The following CRACD variants were observed in gnomAD, a reference collection of about 807,000 sequenced individuals.
CRACD encodes capping protein inhibiting regulator of actin dynamics.
CRACD carries 56 observed loss-of-function variants against 106.8 expected under a neutral mutation model. That is an observed-to-expected ratio of 0.52 (90% CI 0.42 to 0.66). The LOEUF (loss-of-function observed/expected upper bound fraction) is 0.66. CRACD is among the 30% of genes least tolerant of loss of function. The pLI is 0.00. For missense variants in CRACD, 1,730 were observed against 1,623.2 expected, an observed-to-expected ratio of 1.07 and a Z score of -1.13; for synonymous variants, 754 against 670.8, an observed-to-expected ratio of 1.12 and a Z score of -1.92.
At chr4:56,106,046 C>T (rs1458101373) in intron 1 of CRACD, among the ~76,000 whole-genome samples, 1 of 151,888 alleles carries the variant, frequency 6.6e-6, no homozygotes, top group East Asian at 1.9e-4. Context: ...TCGAAGTTAA[C>T]TATGCTGTAG....
chr4:56,320,909 C>T (rs970638181), intron 8 of CRACD: 2 of 180,532 alleles, frequency 1.1e-5, no homozygotes, highest in Non-Finnish European at 2.4e-5. Context: ...CAGGCACTGG[C>T]CTCCCCCTGA....
intron 1 of CRACD, among the ~76,000 whole-genome samples, chr4:56,167,035 G>A (rs577544329): frequency 2.6e-5 from 4 of 152,214 alleles, no homozygotes; most frequent in South Asian, 2.1e-4. Context: ...ACACTGTCTT[G>A]AAAAAACTAC....
chr4:56,289,693 A>G (rs1028734905), intron 3 of CRACD, among the ~76,000 whole-genome samples: 35 of 152,090 alleles, frequency 2.3e-4, no homozygotes, highest in Non-Finnish European at 3.7e-4. Flanking sequence ...TGTCTCAAAA[A>G]AAAAAAAAAA....
At chr4:56,125,764 C>CTTTTTTTTTTTTT (rs11289899) in intron 1 of CRACD, among the ~76,000 whole-genome samples, 6 of 73,298 alleles carry the variant, frequency 8.2e-5, no homozygotes, top group African/African-American at 1.1e-4. Context: ...CATTCTTCTT[C>CTTTTTTTTTTTTT]TTTTTTTTTT....
At chr4:56,246,260 A>G (rs945223254) in intron 2 of CRACD, among the ~76,000 whole-genome samples, 9 of 152,076 alleles carry the variant, frequency 5.9e-5, no homozygotes, top group Non-Finnish European at 1.0e-4. Context: ...CTGCCCTCTC[A>G]TCTCCCTCCT....
intron 1 of CRACD, among the ~76,000 whole-genome samples, chr4:56,068,940 A>T (rs936847367): frequency 6.6e-6 from 1 of 152,164 alleles, no homozygotes; most frequent in Non-Finnish European, 1.5e-5. Flanking sequence ...GGATGGAATC[A>T]TCCTGGATTT....
intron 2 of CRACD, among the ~76,000 whole-genome samples, chr4:56,220,497 C>T (rs1738972892): frequency 6.6e-6 from 1 of 152,170 alleles, no homozygotes; most frequent in Non-Finnish European, 1.5e-5. Flanking sequence ...TACAAGCCTC[C>T]CTGCAGCTGT....
At chr4:56,279,935 C>T (rs1442671647) in intron 3 of CRACD, among the ~76,000 whole-genome samples, 1 of 151,762 alleles carries the variant, frequency 6.6e-6, no homozygotes, top group East Asian at 1.9e-4. Flanking sequence ...AAATGTGGCA[C>T]ATATACACCA....
chr4:56,168,889 C>T (rs1485438794), intron 1 of CRACD, among the ~76,000 whole-genome samples: 1 of 152,054 alleles, frequency 6.6e-6, no homozygotes, highest in East Asian at 1.9e-4. Flanking sequence ...GGTGAATGGG[C>T]ATGAGAGCTA....
rs747217847 is a variant in CRACD, at chr4:56,324,218, C to T, written c.3493C>T (p.Arg1165Cys). The change falls in exon 10 of 11, where the codon CGC (arginine) becomes TGC (cysteine). Residue 1165 changes from arginine (R) to cysteine (C), a missense_variant. Arg to Cys is a radical substitution (Grantham distance 180, BLOSUM62 -3). Around this residue, in one of 5 missense-constraint regions of CRACD, gnomAD observed 89 missense variants for 89.6 expected, o/e 0.99. Coordinates refer to ENST00000682029, the MANE Select transcript of CRACD (RefSeq NM_001393381.1). Reference protein sequence around the residue: ...RPETAVSRLERREQLKKANTL... With the variant: ...RPETAVSRLECREQLKKANTL... ...CGAGACTGCAGTGTCCAGGCTTGAG[C>T]GCAGAGAACAGCTGAAAAAGGCCAA... 59 of 1,614,146 alleles carry T rather than the reference C, an allele frequency of 3.7e-5. No homozygotes were observed. The highest frequency in any genetic ancestry group is 5.5e-5 in the South Asian group (5 of 91,068).
intron 3 of CRACD, among the ~76,000 whole-genome samples, chr4:56,291,564 T>C (rs551522928): frequency 1.3e-5 from 2 of 152,344 alleles, no homozygotes; most frequent in African/African-American, 4.8e-5. Context: ...GGAAATAATC[T>C]ACATTGTAGA....
At position 56,090,764 on chromosome 4, in the gene CRACD, T is replaced by C. The variant is rs572135033; in HGVS notation, c.-336+41465T>C. ...GAATTTCTGGGTGTCTAAACAGCAG[T>C]GTGAAAGTGTTGGTCCTTTTAGGGG... On this transcript the variant is annotated intron_variant, in intron 1 of 10. Coordinates refer to ENST00000682029, the MANE Select transcript of CRACD (RefSeq NM_001393381.1). Among the ~76,000 whole-genome samples, 415 of 152,178 alleles carry C rather than the reference T, an allele frequency of 2.7e-3. 2 individuals are homozygous for C. The highest frequency in any genetic ancestry group is 5.1e-3 in the Non-Finnish European group (345 of 68,008).
chr4:56,122,389 A>G (rs1336141098), intron 1 of CRACD, among the ~76,000 whole-genome samples: 2 of 152,144 alleles, frequency 1.3e-5, no homozygotes, highest in African/African-American at 2.4e-5. Flanking sequence ...AAAGAAGCAA[A>G]AAATTTGCAA....
At chr4:56,277,991 T>C (rs1742775583) in intron 3 of CRACD, among the ~76,000 whole-genome samples, 1 of 152,126 alleles carries the variant, frequency 6.6e-6, no homozygotes, top group African/African-American at 2.4e-5. Flanking sequence ...CAAAATATCA[T>C]TGAAAGAAAT....
chr4:56,190,360 C>G lies in CRACD; in HGVS notation c.-189+10930C>G, dbSNP rs547311940. 7.4e-4 allele frequency among the ~76,000 whole-genome samples: 113 copies of G among 152,216 alleles called. No homozygotes were observed. The South Asian group carries it at 8.1e-3, about 11-fold the overall frequency. ...AGTAATGGGATGGCTGGGTCAAATG[C>G]TATTTCTAGTTGTAGATCCCTGAGG... On this transcript the variant is annotated intron_variant, in intron 2 of 10. Transcript: ENST00000682029.
At chr4:56,285,539 A>C (rs1346901516) in intron 3 of CRACD, among the ~76,000 whole-genome samples, 1 of 152,128 alleles carries the variant, frequency 6.6e-6, no homozygotes, top group African/African-American at 2.4e-5. Flanking sequence ...TCCTGAATTC[A>C]AGCAATCCTC....
At chr4:56,294,007 G>A (rs937303222) in intron 3 of CRACD, among the ~76,000 whole-genome samples, 5 of 152,088 alleles carry the variant, frequency 3.3e-5, no homozygotes, top group African/African-American at 1.2e-4. Context: ...TGGGAGGATT[G>A]CTTGAGGCAG....
chr4:56,180,229 C>G (rs868373444), intron 2 of CRACD, among the ~76,000 whole-genome samples: 4 of 151,984 alleles, frequency 2.6e-5, no homozygotes, highest in African/African-American at 9.7e-5. Flanking sequence ...CGTTGGCTCA[C>G]GTCTGTAATC....
chr4:56,315,144 A>AT lies in CRACD; in HGVS notation c.1644dup (p.Leu549SerfsTer105). ...CCAGGTGTCCTCCGGAGGGAAGCAG[A>AT]TTCTCTTTCCCAAAGTCAACCTGAG... On this transcript the variant is annotated frameshift_variant, in exon 8 of 11. Transcript: ENST00000682029. LOFTEE classifies it high-confidence loss of function. The surrounding 1 kb of genome is among the most constrained non-coding windows in gnomAD (Gnocchi z 4.1). 1 of 1,608,134 alleles carries AT rather than the reference A, an allele frequency of 6.2e-7. No homozygotes were observed. The highest frequency in any genetic ancestry group is 8.5e-7 in the Non-Finnish European group (1 of 1,177,920).
Sources: allele counts gnomAD v4.1 joint callset (sites outside exome capture counted in the v4.1 genomes callset), GRCh38; gene constraint gnomAD v4.1.1; regional missense constraint gnomAD v4.1.1; non-coding constraint Gnocchi (gnomAD v3.1); transcripts MANE v1.5; gene names NCBI Gene and HGNC (gene_info 2026-07-23, HGNC 2026-07-21).